GDAP1: variants seen among roughly 807,000 people sequenced by gnomAD.
The protein encoded by GDAP1 is ganglioside induced differentiation associated protein 1, also known as ganglioside-induced differentiation-associated protein 1.
GDAP1 carries 34 observed loss-of-function variants against 40.1 expected under a neutral mutation model. The observed-to-expected ratio is 0.85, with a 90% CI of 0.64 to 1.13. GDAP1 has a LOEUF of 1.13. Among genes scored for constraint, GDAP1 ranks in the 50% most tolerant of loss-of-function variants. The pLI, the probability that GDAP1 is intolerant of heterozygous loss-of-function variation, is 0.00. For synonymous variants in GDAP1, 170 were observed against 157.4 expected (o/e 1.08, Z -0.60); for missense variants, 374 against 433.7 (o/e 0.86, Z 1.22).
At chr8:74,400,384 T>C (rs1436233012) in intron 2 of GDAP1, among the ~76,000 whole-genome samples, 1 of 149,928 alleles carries the variant, frequency 6.7e-6, no homozygotes, top group Non-Finnish European at 1.5e-5. Context: ...CCTGCCTTTT[T>C]TTTTGTTTTC....
chr8:74,475,057 T>G (rs1284702828), intron 2 of GDAP1, among the ~76,000 whole-genome samples: 2 of 152,172 alleles, frequency 1.3e-5, no homozygotes, highest in Non-Finnish European at 2.9e-5. Context: ...TTTTGTAGTT[T>G]GTGTGCATAG....
chr8:74,373,877 GAT>G lies in GDAP1; in HGVS notation c.165+22559_165+22560del, dbSNP rs963848953. 4.0e-3 allele frequency among the ~76,000 whole-genome samples: 608 copies of G among 152,304 alleles called. 5 individuals carry two copies. The highest frequency in any genetic ancestry group is 0.014 in the African/African-American group (579 of 41,554). ...CTTCCAGTTTTTGTCCATTCAGTAT[GAT>G]ATTGGCTGTGGGTTTGTCATAAATG... is the stretch of plus-strand genomic sequence containing the variant. On this transcript the variant is annotated intron_variant, in intron 2 of 2. Coordinates refer to the GDAP1 transcript ENST00000523640.
In GDAP1 at chr8:74,365,815, T is replaced by C. The variant is rs1410622891; in HGVS notation, c.*1448T>C. 2.2e-6 allele frequency: 1 copy of C among 454,088 alleles called. No homozygotes were observed. The highest frequency in any genetic ancestry group is 4.4e-6 in the Non-Finnish European group (1 of 226,742). The allele number at this position is 454,088 out of a possible 1,614,324, so 28.1% of individuals were successfully genotyped here. On this transcript the variant is annotated 3_prime_UTR_variant, in exon 6 of 6. Transcript: ENST00000220822. ...AAAAAAATTAATAAAACCTCCAGAG[T>C]AAACTCAGTCAAACAATAATTGAGT...
At chr8:74,423,513 G>A (rs1235215283) in intron 2 of GDAP1, among the ~76,000 whole-genome samples, 1 of 150,972 alleles carries the variant, frequency 6.6e-6, no homozygotes, top group African/African-American at 2.4e-5. Flanking sequence ...AACTGATGAT[G>A]TTGTCATTAG....
At chr8:74,435,400 C>A (rs1392690454) in intron 2 of GDAP1, among the ~76,000 whole-genome samples, 1 of 152,150 alleles carries the variant, frequency 6.6e-6, no homozygotes. Flanking sequence ...AGTGGCAATT[C>A]AGTGTCAACA....
intron 2 of GDAP1, among the ~76,000 whole-genome samples, chr8:74,471,201 T>C (rs915990037): frequency 2.0e-5 from 3 of 152,178 alleles, no homozygotes; most frequent in African/African-American, 7.2e-5. Context: ...GTAGGTTGCC[T>C]GTTCACTCTG....
At chr8:74,417,505 G>C (rs1255475941) in intron 2 of GDAP1, among the ~76,000 whole-genome samples, 2 of 150,118 alleles carry the variant, frequency 1.3e-5, no homozygotes, top group Admixed American at 6.6e-5. Flanking sequence ...GACCTCAGGT[G>C]ATCCACCCGC....
At chr8:74,473,024 A>C (rs1806579476) in intron 2 of GDAP1, among the ~76,000 whole-genome samples, 1 of 152,018 alleles carries the variant, frequency 6.6e-6, no homozygotes, top group Admixed American at 6.5e-5. Flanking sequence ...TGTTGGGATT[A>C]CAGGCATGAG....
intron 2 of GDAP1, among the ~76,000 whole-genome samples, chr8:74,391,394 T>G (rs544768225): frequency 6.6e-6 from 1 of 151,580 alleles, no homozygotes; most frequent in South Asian, 2.1e-4. Flanking sequence ...GCATCGTTCC[T>G]CATGGCACAG....
At chr8:74,458,200 A>G (rs1806359525) in intron 2 of GDAP1, among the ~76,000 whole-genome samples, 1 of 152,044 alleles carries the variant, frequency 6.6e-6, no homozygotes, top group African/African-American at 2.4e-5. Context: ...ATGAATACCT[A>G]TACTTTAGCA....
chr8:74,430,086 T>G (rs1046993430), intron 2 of GDAP1, among the ~76,000 whole-genome samples: 1 of 152,154 alleles, frequency 6.6e-6, no homozygotes, highest in African/African-American at 2.4e-5. Context: ...TATAAAAAGA[T>G]GCACAACTTC....
chr8:74,368,394 C>T (rs1191759574), downstream of GDAP1, among the ~76,000 whole-genome samples: 1 of 152,114 alleles, frequency 6.6e-6, no homozygotes, highest in Admixed American at 6.5e-5. Context: ...GACAGGTTTT[C>T]AGAGAGCCTA....
At chr8:74,395,010 T>A (rs1159632539) in intron 2 of GDAP1, among the ~76,000 whole-genome samples, 3 of 152,210 alleles carry the variant, frequency 2.0e-5, no homozygotes, top group Non-Finnish European at 4.4e-5. Flanking sequence ...CTTTGGAGTG[T>A]CTTCTGATCT....
intron 2 of GDAP1, among the ~76,000 whole-genome samples, chr8:74,409,754 C>T (rs1447412167): frequency 2.7e-5 from 4 of 149,974 alleles, no homozygotes; most frequent in Non-Finnish European, 5.9e-5. Flanking sequence ...ATGCCAGATC[C>T]CCACCTATCA....
chr8:74,444,942 AAAAT>A (rs1207932251), intron 2 of GDAP1, among the ~76,000 whole-genome samples: 1 of 152,222 alleles, frequency 6.6e-6, no homozygotes, highest in Non-Finnish European at 1.5e-5. Flanking sequence ...TAGTCAAAGA[AAAAT>A]AAATCTATTA....
intron 2 of GDAP1, among the ~76,000 whole-genome samples, chr8:74,393,946 T>C (rs1322139361): frequency 6.6e-6 from 1 of 152,190 alleles, no homozygotes; most frequent in Non-Finnish European, 1.5e-5. Flanking sequence ...TTTTTTCCCC[T>C]CATTCTTACA....
intron 2 of GDAP1, among the ~76,000 whole-genome samples, chr8:74,443,604 C>G (rs962212082): frequency 1.3e-5 from 2 of 152,104 alleles, no homozygotes; most frequent in Non-Finnish European, 2.9e-5. Flanking sequence ...AGTTGGAGGG[C>G]AGCATGAACA....
intron 2 of GDAP1, among the ~76,000 whole-genome samples, chr8:74,480,498 T>G (rs1334576760): frequency 6.6e-6 from 1 of 152,162 alleles, no homozygotes; most frequent in African/African-American, 2.4e-5. Context: ...ATCATTTGCT[T>G]TTGGCAAGTG....
intron 2 of GDAP1, among the ~76,000 whole-genome samples, chr8:74,393,348 T>G (rs1026939243): frequency 1.3e-5 from 2 of 152,220 alleles, no homozygotes; most frequent in Non-Finnish European, 2.9e-5. Context: ...GTCTCACTGT[T>G]TTCCTCTTCT....
Sources: allele counts gnomAD v4.1 joint callset (sites outside exome capture counted in the v4.1 genomes callset), GRCh38; gene constraint gnomAD v4.1.1; transcripts MANE v1.5; gene names NCBI Gene and HGNC (gene_info 2026-07-23, HGNC 2026-07-21).